Variants in TMEM167B observed in about 807,000 individuals in gnomAD.
TMEM167B encodes the protein protein kish-B.
Under a neutral mutation model 9.4 loss-of-function variants are expected in TMEM167B, and 2 were observed. The ratio of observed to expected loss-of-function variants is 0.21; its 90% CI spans 0.09 to 0.67. TMEM167B has a LOEUF of 0.67. Among genes scored for constraint, TMEM167B ranks in the 30% least tolerant of loss-of-function variants. The pLI is 0.82. For synonymous variants in TMEM167B, 28 were observed against 32.0 expected, an observed-to-expected ratio of 0.87 and a Z score of 0.42; for missense variants, 68 against 87.6, an observed-to-expected ratio of 0.78 and a Z score of 0.89.
chr1:109,094,409 C>T lies in TMEM167B; in HGVS notation c.143-8C>T. On this transcript the variant is annotated splice_polypyrimidine_tract_variant and splice_region_variant and intron_variant, in intron 2 of 2. Transcript: ENST00000338272. ...AGGGTGTGATTTCTTCTCTCTTTTG[C>T]CTGCTAGCCGCTGTGATTGGAACCA... is the stretch of plus-strand genomic sequence containing the variant. 1 of 1,613,892 alleles carries T rather than the reference C, an allele frequency of 6.2e-7. No homozygotes were observed. The highest frequency in any genetic ancestry group is 8.5e-7 in the Non-Finnish European group (1 of 1,179,982).
rs544065680 is a variant in TMEM167B, at chr1:109,095,301, AT to A, written c.*806del. ...TTGCTATTTCGTAAAACCTTTTTAT[AT>A]TTTCTAAATTTACTTAGTGCTAAAT... On this transcript the variant is annotated 3_prime_UTR_variant, in exon 3 of 3. Coordinates refer to ENST00000338272, the MANE Select transcript of TMEM167B (RefSeq NM_020141.4). 2 of 152,238 alleles carry A rather than the reference AT, an allele frequency of 1.3e-5. No homozygotes were observed. The highest frequency in any genetic ancestry group is 4.1e-4 in the South Asian group (2 of 4,822). 9.4% of individuals were successfully genotyped at this position (152,238 alleles called of 1,614,324 possible).
intron 1 of TMEM167B, 86 bp from the exon 2 acceptor site, chr1:109,092,804 A>G: frequency 1.4e-6 from 2 of 1,478,134 alleles, no homozygotes; most frequent in Non-Finnish European, 1.8e-6. Context: ...TATGTCACAC[A>G]CTATCTTCCT....
chr1:109,093,045 G>A (rs1664486036), intron 2 of TMEM167B, 24 bp downstream of exon 2: 1 of 1,613,726 alleles, frequency 6.2e-7, no homozygotes, highest in South Asian at 1.1e-5. Flanking sequence ...TGGACAGGGA[G>A]AAGAGACTGC....
chr1:109,092,768 G>C (rs1218323830), intron 1 of TMEM167B, 122 bp from the exon 2 acceptor site: 2 of 1,117,412 alleles, frequency 1.8e-6, no homozygotes, highest in East Asian at 4.8e-5. Flanking sequence ...TGTCAGTACT[G>C]CCTGTTGAGG....
At position 109,091,001 on chromosome 1, in the gene TMEM167B, C is replaced by T. The variant is rs555151888; in HGVS notation, c.10+119C>T. The T allele has an allele frequency of 2.3e-5, 27 of 1,193,220 alleles. No homozygotes were observed. The East Asian group carries it at 5.6e-4, about 25-fold the overall frequency. The allele number at this position is 1,193,220 out of a possible 1,614,324, so 73.9% of individuals were successfully genotyped here. On this transcript the variant is annotated intron_variant, in intron 1 of 2. Transcript: ENST00000338272. ...CCCCTCCCAGCCCGGCCCCCCTTGG[C>T]CTCTCGACGCCCCTAACTTCTGTAC...
Position 109,094,829 on chromosome 1 carries a change from C to T in TMEM167B, c.*330C>T, listed in dbSNP as rs1169107754. On this transcript the variant is annotated 3_prime_UTR_variant, in exon 3 of 3. Transcript: ENST00000338272. ...TGTCATCCTGTTTTGTTCTTCAGCT[C>T]CTCATCAGGATCTTTTCAAACTGAG... The T allele has an allele frequency of 4.3e-6, 1 of 229,972 alleles. No homozygotes were observed. Among genetic ancestry groups the T allele is most frequent in the African/African-American group, 2.3e-5 (1 of 43,448 alleles). 14.2% of individuals were successfully genotyped at this position (229,972 alleles called of 1,614,324 possible).
Position 109,092,889 on chromosome 1 carries a change from G to C in TMEM167B, c.11-1G>C. 7 of 1,614,108 alleles carry C rather than the reference G, an allele frequency of 4.3e-6. No homozygotes were observed. The highest frequency in any genetic ancestry group is 5.9e-6 in the Non-Finnish European group (7 of 1,179,996). Reference sequence around the variant, plus strand: ...GTTTTCTTTTCTTCTTTATTTAACAGTGTACTCCTTGGATGGGATTCTGGT... The same window carrying C: ...GTTTTCTTTTCTTCTTTATTTAACACTGTACTCCTTGGATGGGATTCTGGT... On this transcript the variant is annotated splice_acceptor_variant, in intron 1 of 2. Coordinates refer to ENST00000338272, the MANE Select transcript of TMEM167B (RefSeq NM_020141.4). LOFTEE classifies it high-confidence loss of function.
At chr1:109,094,370 C>T in intron 2 of TMEM167B, 47 bp from the exon 3 acceptor site, 2 of 1,587,912 alleles carry the variant, frequency 1.3e-6, no homozygotes, top group Non-Finnish European at 1.7e-6. Flanking sequence ...AAAGTGAGGA[C>T]TTCGGTGAAG....
chr1:109,091,003 T>G, intron 1 of TMEM167B, 121 bp downstream of exon 1: 1 of 1,183,978 alleles, frequency 8.4e-7, no homozygotes. Context: ...CCCCTTGGCC[T>G]CTCGACGCCC....
rs1664568742 is a variant in TMEM167B at position 109,096,276 on chromosome 1, A to G, written c.*1777A>G. On this transcript the variant is annotated 3_prime_UTR_variant, in exon 3 of 3. Coordinates refer to ENST00000338272, the MANE Select transcript of TMEM167B (RefSeq NM_020141.4). ...TTTCTGAGGACCTTTGAGATGAGAG[A>G]AAGGAAATCTAGTGGAACAGGAAAG... is the stretch of plus-strand genomic sequence containing the variant. 6.6e-6 allele frequency: 1 copy of G among 152,210 alleles called. No homozygotes were observed. Among genetic ancestry groups the G allele is most frequent in the African/African-American group, 2.4e-5 (1 of 41,454 alleles). 9.4% of individuals were successfully genotyped at this position (152,210 alleles called of 1,614,324 possible).
chr1:109,094,312 AG>A, intron 2 of TMEM167B, 104 bp from the exon 3 acceptor site: 1 of 1,096,890 alleles, frequency 9.1e-7, no homozygotes, highest in Middle Eastern at 2.8e-4. Flanking sequence ...GGCCCTTGAG[AG>A]CGTTGATATG....
chr1:109,095,191 A>C lies in TMEM167B; in HGVS notation c.*692A>C, dbSNP rs1226256414. On this transcript the variant is annotated 3_prime_UTR_variant, in exon 3 of 3. Coordinates refer to ENST00000338272, the MANE Select transcript of TMEM167B (RefSeq NM_020141.4). ...TGATGAGACCAGAAAGCAGTGGCTT[A>C]GACAAGAAAAAATCTTTCTGTTCAC... is the stretch of plus-strand genomic sequence containing the variant. 1 of 152,250 alleles carries C rather than the reference A, an allele frequency of 6.6e-6. No individual in the cohort carries two copies. Among genetic ancestry groups the C allele is most frequent in the Admixed American group, 6.5e-5 (1 of 15,278 alleles). The allele number at this position is 152,250 out of a possible 1,614,324, so 9.4% of individuals were successfully genotyped here.
Position 109,096,192 on chromosome 1 carries a change from T to C in TMEM167B, c.*1693T>C, listed in dbSNP as rs1046691786. 3 of 152,238 alleles carry C rather than the reference T, an allele frequency of 2.0e-5. No individual in the cohort carries two copies. Among genetic ancestry groups the C allele is most frequent in the Non-Finnish European group, 2.9e-5 (2 of 68,038 alleles). The allele number at this position is 152,238 out of a possible 1,614,324, so 9.4% of individuals were successfully genotyped here. A position where few individuals can be genotyped will look rare whatever the true frequency, so the allele number is the denominator to read the frequency against. On this transcript the variant is annotated 3_prime_UTR_variant, in exon 3 of 3. Coordinates refer to ENST00000338272, the MANE Select transcript of TMEM167B (RefSeq NM_020141.4). Reference sequence around the variant, plus strand: ...AATCATCTCAGAGTTGTGGCTGTTATCTCTTCAGGAATTGGTCCACAGGGT... The same window carrying C: ...AATCATCTCAGAGTTGTGGCTGTTACCTCTTCAGGAATTGGTCCACAGGGT...
rs982338141 is a variant in TMEM167B at position 109,096,761 on chromosome 1, C to T, written c.*2262C>T. 1.3e-5 allele frequency: 2 copies of T among 152,156 alleles called. No individual in the cohort carries two copies. Among genetic ancestry groups the T allele is most frequent in the Non-Finnish European group, 2.9e-5 (2 of 68,020 alleles). The allele number at this position is 152,156 out of a possible 1,614,324, so 9.4% of individuals were successfully genotyped here. On this transcript the variant is annotated 3_prime_UTR_variant, in exon 3 of 3. Coordinates refer to ENST00000338272, the MANE Select transcript of TMEM167B (RefSeq NM_020141.4). ...TAGAATGTTATTCCTCTGGGGGAATCTTTTACAGGTGGAGGAATGGGGATA... is the reference window on the plus strand; with the variant it reads ...TAGAATGTTATTCCTCTGGGGGAATTTTTTACAGGTGGAGGAATGGGGATA...
In TMEM167B at chr1:109,096,506, G is replaced by A. The variant is rs990958494; in HGVS notation, c.*2007G>A. The A allele has an allele frequency of 6.6e-6, 1 of 152,210 alleles. No homozygotes were observed. The highest frequency in any genetic ancestry group is 1.5e-5 in the Non-Finnish European group (1 of 68,046). The allele number at this position is 152,210 out of a possible 1,614,324, so 9.4% of individuals were successfully genotyped here. A position where few individuals can be genotyped will look rare whatever the true frequency, so the allele number is the denominator to read the frequency against. On this transcript the variant is annotated 3_prime_UTR_variant, in exon 3 of 3. Coordinates refer to ENST00000338272, the MANE Select transcript of TMEM167B (RefSeq NM_020141.4). Reference sequence around the variant, plus strand: ...CATTCCACAGTTCTAGTTCAAACCAGTTTTTACAGCCTCCTGGGTGGGTCG... The same window carrying A: ...CATTCCACAGTTCTAGTTCAAACCAATTTTTACAGCCTCCTGGGTGGGTCG...
In TMEM167B at chr1:109,094,447, C is replaced by T. The variant is rs1664521276; in HGVS notation, c.173C>T (p.Ala58Val). Residue 58 changes from alanine to valine, a missense_variant, in exon 3 of 3, where the codon GCT (alanine) becomes GTT (valine). Ala to Val is a moderately conservative substitution (Grantham distance 64). Transcript: ENST00000338272. The stretch of plus-strand genomic sequence containing the variant: ...GTGATTGGAACCAGGCTGCATGCTG[C>T]TGTGGCAATTGCTTGTGTTGTAATG... ...AAVIGTRLHAAVAIACVVMAF... is the reference protein window; with the variant it reads ...AAVIGTRLHAVVAIACVVMAF... The T allele has an allele frequency of 1.9e-6, 3 of 1,614,116 alleles. No individual in the cohort carries two copies. Among genetic ancestry groups the T allele is most frequent in the South Asian group, 1.1e-5 (1 of 91,080 alleles).
In TMEM167B at chr1:109,096,692, AT is replaced by A. The variant is rs1412778681; in HGVS notation, c.*2195del. ...AGATAAGCAGAAACTTGTTTAACTC[AT>A]TACTTTGTTTGATGTGTCTTACATA... On this transcript the variant is annotated 3_prime_UTR_variant, in exon 3 of 3. Coordinates refer to ENST00000338272, the MANE Select transcript of TMEM167B (RefSeq NM_020141.4). The A allele has an allele frequency of 6.6e-6, 1 of 152,192 alleles. No homozygotes were observed. Among genetic ancestry groups the A allele is most frequent in the Non-Finnish European group, 1.5e-5 (1 of 68,030 alleles). 9.4% of individuals were successfully genotyped at this position (152,192 alleles called of 1,614,324 possible).
chr1:109,094,395 T>C (rs1664520207), intron 2 of TMEM167B, 22 bp from the exon 3 acceptor site: 1 of 1,613,560 alleles, frequency 6.2e-7, no homozygotes, highest in East Asian at 2.2e-5. Flanking sequence ...GGGTGTGATT[T>C]CTTCTCTCTT....
In TMEM167B at chr1:109,090,865, C is replaced by G; in HGVS notation, c.-8C>G. On this transcript the variant is annotated 5_prime_UTR_variant, in exon 1 of 3. Transcript: ENST00000338272. ...CGGACCCCCTACCCAGGTCCAGGGC[C>G]AGCCGCCATGACGAACGGTGAGAAC... 6.3e-7 allele frequency: 1 copy of G among 1,592,338 alleles called. No homozygotes were observed. The highest frequency in any genetic ancestry group is 8.6e-7 in the Non-Finnish European group (1 of 1,169,306).
Sources: gnomAD v4.1 joint callset for allele counts on GRCh38, gnomAD v4.1.1 for gene constraint, MANE v1.5 for transcripts, NCBI Gene and HGNC (gene_info 2026-07-23, HGNC 2026-07-21) for gene names.